RAB40A: variants seen among roughly 807,000 people sequenced by gnomAD.
The protein encoded by RAB40A is ras-related protein Rab-40A.
For missense variants in RAB40A, 145 were observed against 230.2 expected (o/e 0.63, Z 2.40); for synonymous variants, 65 against 99.9 (o/e 0.65, Z 2.08).
At chrX:103,510,817 A>ACTT (rs2073285003) in intron 2 of RAB40A, among the ~76,000 whole-genome samples, 1 of 112,490 alleles carries the variant, frequency 8.9e-6, no homozygotes, top group Non-Finnish European at 1.9e-5. Context: ...AGACACTGAT[A>ACTT]CTTAGAATGA....
chrX:103,515,733 T>C (rs1169665676), intron 2 of RAB40A, among the ~76,000 whole-genome samples: 2 of 111,785 alleles, frequency 1.8e-5, no homozygotes, highest in Non-Finnish European at 3.8e-5. Flanking sequence ...TCCTACATAA[T>C]ATAGATGAGT....
intron 2 of RAB40A, among the ~76,000 whole-genome samples, chrX:103,510,854 A>T (rs1057219984): frequency 1.8e-5 from 2 of 112,341 alleles, no homozygotes; most frequent in African/African-American, 6.5e-5. Context: ...TCAGAAAGGG[A>T]GAGAAGATTT....
intron 2 of RAB40A, among the ~76,000 whole-genome samples, chrX:103,513,954 C>G (rs2073304071): frequency 9.0e-6 from 1 of 111,236 alleles, no homozygotes; most frequent in Admixed American, 9.6e-5. Context: ...TGGCTGTCAC[C>G]TGGGAAACTC....
downstream of RAB40A, among the ~76,000 whole-genome samples, chrX:103,495,210 T>C (rs909635939): frequency 1.7e-3 from 191 of 112,056 alleles, 2 homozygotes; most frequent in African/African-American, 6.0e-3. Context: ...TTTTAGATTG[T>C]TCACTCTTGG....
intron 2 of RAB40A, among the ~76,000 whole-genome samples, chrX:103,505,658 C>G (rs7063032): frequency 0.016 from 1,764 of 111,415 alleles, 40 homozygotes; most frequent in African/African-American, 0.054. Context: ...TTCTACTTTT[C>G]TCCTTGTTTC....
At chrX:103,501,161 C>A (rs1264539277) in intron 2 of RAB40A, 1 of 139,938 alleles carries the variant, frequency 7.1e-6, no homozygotes, top group Non-Finnish European at 1.5e-5. Flanking sequence ...CTGTGTATGA[C>A]GCTTAAAATA....
intron 2 of RAB40A, among the ~76,000 whole-genome samples, chrX:103,506,503 G>A (rs1434299848): frequency 9.0e-6 from 1 of 111,731 alleles, no homozygotes; most frequent in East Asian, 2.8e-4. Context: ...CATATTTTAC[G>A]ACAAATGAAT....
rs376866345 is a variant in RAB40A at position 103,500,317 on chromosome X, C to T, written c.440G>A (p.Arg147His). The T allele has an allele frequency of 1.5e-5, 18 of 1,210,371 alleles. No individual in the cohort carries two copies. The highest frequency in any genetic ancestry group is 1.9e-5 in the Non-Finnish European group (17 of 895,235). The change falls in exon 3 of 3, where the codon CGC (arginine) becomes CAC (histidine). Residue 147 changes from arginine (R) to histidine (H), a missense_variant. Transcript: ENST00000304236. ...GACCTCAAAGAAGGTCACACCCAGGCGCTCGGCGTAGGCCTGGGCCTGCTC... is the reference window on the plus strand; with the variant it reads ...GACCTCAAAGAAGGTCACACCCAGGTGCTCGGCGTAGGCCTGGGCCTGCTC... The part of the protein sequence containing the change: ...PREQAQAYAE[R>H]LGVTFFEVSP...
At chrX:103,496,290 A>G (rs1179026761), downstream of RAB40A, among the ~76,000 whole-genome samples, 1 of 112,205 alleles carries the variant, frequency 8.9e-6, no homozygotes, top group Non-Finnish European at 1.9e-5. Context: ...GTCAATGGAA[A>G]CACTTAATTT....
At chrX:103,497,265 GT>G (rs1248553499), downstream of RAB40A, among the ~76,000 whole-genome samples, 1 of 111,585 alleles carries the variant, frequency 9.0e-6, no homozygotes, top group Non-Finnish European at 1.9e-5. Flanking sequence ...TTACTTCCTT[GT>G]TTCTATTCTG....
chrX:103,502,890 G>T (rs919713594), intron 2 of RAB40A: 2 of 763,393 alleles, frequency 2.6e-6, no homozygotes, highest in African/African-American at 4.6e-5. Flanking sequence ...CATGAAGTGG[G>T]ACTTCAATGG....
rs200618284 is a variant in RAB40A, at chrX:103,505,286, CTAA to C, written c.-70-4463_-70-4461del. 6.5e-3 allele frequency among the ~76,000 whole-genome samples: 722 copies of C among 111,912 alleles called. 2 individuals are homozygous for C. Among genetic ancestry groups the C allele is most frequent in the Non-Finnish European group, 9.0e-3 (477 of 53,212 alleles). On this transcript the variant is annotated intron_variant, in intron 2 of 2. Coordinates refer to ENST00000304236, the MANE Select transcript of RAB40A (RefSeq NM_080879.3). ...TATTTGGGTTATGCCCACAGTTTGA[CTAA>C]TGTTATAGTACTACTACATACAGTT...
intron 2 of RAB40A, chrX:103,502,824 C>T (rs979635664): frequency 2.7e-6 from 2 of 751,503 alleles, no homozygotes; most frequent in African/African-American, 4.7e-5. Flanking sequence ...CTGACTGTAT[C>T]ATCCTTACCG....
Position 103,502,622 on chromosome X carries a change from G to T in RAB40A, c.-70-1796C>A, listed in dbSNP as rs148928847. On this transcript the variant is annotated intron_variant, in intron 2 of 2. Coordinates refer to ENST00000304236, the MANE Select transcript of RAB40A (RefSeq NM_080879.3). Reference sequence around the variant, plus strand: ...TCACCCAGAGGGGTTGTGGAGTGGGGGACCCATGGGGCCACAATAGCAGGG... The same window carrying T: ...TCACCCAGAGGGGTTGTGGAGTGGGTGACCCATGGGGCCACAATAGCAGGG... The T allele has an allele frequency of 3.2e-4, 178 of 556,008 alleles. 1 individual carries two copies. In the East Asian group the frequency reaches 0.026, roughly 83 times the overall value. The allele number at this position is 556,008 out of a possible 1,213,427, so 45.8% of individuals were successfully genotyped here.
intron 2 of RAB40A, among the ~76,000 whole-genome samples, chrX:103,510,223 C>T (rs763757449): frequency 8.9e-6 from 1 of 111,891 alleles, no homozygotes; most frequent in Non-Finnish European, 1.9e-5. Flanking sequence ...GACATAAATC[C>T]AATTGTCCCA....
chrX:103,504,642 G>A (rs2073245671), intron 2 of RAB40A, among the ~76,000 whole-genome samples: 1 of 111,269 alleles, frequency 9.0e-6, no homozygotes, highest in African/African-American at 3.3e-5. Flanking sequence ...GTGCCTCAGC[G>A]TACTGAGTAC....
chrX:103,517,161 T>C (rs751971633), intron 2 of RAB40A, among the ~76,000 whole-genome samples: 1 of 111,830 alleles, frequency 8.9e-6, no homozygotes, highest in Non-Finnish European at 1.9e-5. Context: ...ATTCAGTCTT[T>C]GTATGCATGA....
chrX:103,503,382 A>C (rs2073238811), intron 2 of RAB40A: 1 of 751,110 alleles, frequency 1.3e-6, no homozygotes, highest in Non-Finnish European at 1.6e-6. Context: ...ATGGAGGCTA[A>C]ATGCCCTGCT....
At chrX:103,508,551 C>A (rs932612041) in intron 2 of RAB40A, among the ~76,000 whole-genome samples, 3 of 111,946 alleles carry the variant, frequency 2.7e-5, no homozygotes, top group African/African-American at 9.7e-5. Flanking sequence ...AGCCTCAGGG[C>A]TTAGGTAGTC....
Sources: allele counts gnomAD v4.1 joint callset (sites outside exome capture counted in the v4.1 genomes callset), GRCh38; gene constraint gnomAD v4.1.1; transcripts MANE v1.5; gene names NCBI Gene and HGNC (gene_info 2026-07-23, HGNC 2026-07-21).